SHROOM2: variants seen among roughly 807,000 people sequenced by gnomAD.
SHROOM2 encodes the protein protein Shroom2.
In SHROOM2, 33 loss-of-function variants were observed where a neutral mutation model predicts 75.9. The observed-to-expected ratio is 0.43, with a 90% CI of 0.33 to 0.58. The LOEUF (loss-of-function observed/expected upper bound fraction) is 0.58, where lower values mean the gene tolerates loss of function less well. Ranked by LOEUF, SHROOM2 falls within the 20% of genes least tolerant of loss-of-function variation. SHROOM2 has a pLI of 0.04. For missense variants in SHROOM2, 1,434 were observed against 1,461.2 expected (o/e 0.98, Z 0.30); for synonymous variants, 655 against 663.6 (o/e 0.99, Z 0.20).
chrX:9,801,162 T>C (rs1286051842), intron 1 of SHROOM2, among the ~76,000 whole-genome samples: 5 of 111,515 alleles, frequency 4.5e-5, no homozygotes, highest in Non-Finnish European at 1.9e-5. Context: ...ATGAGAGCCA[T>C]GTGAAAAGGA....
At chrX:9,835,668 G>C (rs975726902) in intron 1 of SHROOM2, among the ~76,000 whole-genome samples, 3 of 111,783 alleles carry the variant, frequency 2.7e-5, no homozygotes, top group East Asian at 2.8e-4. Context: ...CTGCCCTAGG[G>C]GGGTACTGGG....
At chrX:9,887,789 G>T (rs776922569) in intron 2 of SHROOM2, among the ~76,000 whole-genome samples, 1 of 113,025 alleles carries the variant, frequency 8.8e-6, no homozygotes, top group Non-Finnish European at 1.9e-5. Context: ...TGCTAGGGTT[G>T]CAGGCAGCAG....
intron 1 of SHROOM2, among the ~76,000 whole-genome samples, chrX:9,862,038 C>T (rs989296424): frequency 2.7e-5 from 3 of 111,876 alleles, no homozygotes; most frequent in Non-Finnish European, 5.6e-5. Flanking sequence ...ACCATGCCCC[C>T]GTGCTTACGG....
chrX:9,909,931 C>G, intron 5 of SHROOM2, among the ~76,000 whole-genome samples: 1 of 111,744 alleles, frequency 8.9e-6, no homozygotes, highest in Middle Eastern at 4.6e-3. Flanking sequence ...AAATGGCTGT[C>G]TCTCTGCTGC....
intron 1 of SHROOM2, among the ~76,000 whole-genome samples, chrX:9,809,733 A>G (rs1157685456): frequency 1.8e-5 from 2 of 112,660 alleles, no homozygotes; most frequent in Non-Finnish European, 3.7e-5. Flanking sequence ...CAGTGGCACG[A>G]TCTCAGCTCA....
chrX:9,808,603 T>C (rs924372717), intron 1 of SHROOM2, among the ~76,000 whole-genome samples: 1 of 110,386 alleles, frequency 9.1e-6, no homozygotes, highest in Non-Finnish European at 1.9e-5. Context: ...GGTTCACGCC[T>C]GTAATCCCAG....
intron 5 of SHROOM2, among the ~76,000 whole-genome samples, chrX:9,916,933 C>T (rs1301638309): frequency 8.9e-6 from 1 of 111,732 alleles, no homozygotes; most frequent in Non-Finnish European, 1.9e-5. Flanking sequence ...CACCTGGAGC[C>T]TCTGTGTGGC....
At chrX:9,889,955 A>T (rs893202748) in intron 2 of SHROOM2, among the ~76,000 whole-genome samples, 3 of 112,708 alleles carry the variant, frequency 2.7e-5, no homozygotes, top group African/African-American at 9.7e-5. Flanking sequence ...GGGCAGGGAG[A>T]GGGCAACATT....
intron 8 of SHROOM2, 80 bp downstream of exon 8, chrX:9,939,446 C>A: frequency 1.2e-6 from 1 of 848,349 alleles, no homozygotes; most frequent in Non-Finnish European, 1.6e-6. Context: ...CCTGCCCCAG[C>A]GCAGACCCTG....
chrX:9,884,693 A>C (rs2084251444), intron 2 of SHROOM2, among the ~76,000 whole-genome samples: 1 of 108,350 alleles, frequency 9.2e-6, no homozygotes, highest in Non-Finnish European at 1.9e-5. Flanking sequence ...AAAAAAAAAA[A>C]AAACCCAAAC....
At chrX:9,930,827 C>T (rs2084641985) in intron 5 of SHROOM2, among the ~76,000 whole-genome samples, 1 of 110,628 alleles carries the variant, frequency 9.0e-6, no homozygotes, top group Non-Finnish European at 1.9e-5. Context: ...ACTGCAACCT[C>T]CACCTCCCAG....
In SHROOM2 at chrX:9,863,196, G is replaced by A. The variant is rs1237895262; in HGVS notation, c.166-10456G>A. 1.2e-4 allele frequency among the ~76,000 whole-genome samples: 13 copies of A among 111,438 alleles called. No individual in the cohort carries two copies. The Admixed American group carries it at 1.2e-3, about 11-fold the overall frequency. On this transcript the variant is annotated intron_variant, in intron 1 of 9. Coordinates refer to ENST00000380913, the MANE Select transcript of SHROOM2 (RefSeq NM_001649.4). ...ATTCCACCCCTGCCCGTTTCTCCCA[G>A]TCACTCCTGGGACAGTCAGCTTGCC...
At chrX:9,798,919 A>G (rs2083708225) in intron 1 of SHROOM2, among the ~76,000 whole-genome samples, 2 of 111,394 alleles carry the variant, frequency 1.8e-5, no homozygotes, top group Non-Finnish European at 3.8e-5. Flanking sequence ...CTTCAATCAT[A>G]TTTATTTTGT....
rs371839333 is a variant in SHROOM2 at position 9,921,265 on chromosome X, A to G, written c.2892-10910A>G. On this transcript the variant is annotated intron_variant, in intron 5 of 9. Coordinates refer to ENST00000380913, the MANE Select transcript of SHROOM2 (RefSeq NM_001649.4). Reference sequence around the variant, plus strand: ...TGTGATCTGGTCTCAGAAGTCACACATCGGCACTTCTGCCATACATTTTTA... The same window carrying G: ...TGTGATCTGGTCTCAGAAGTCACACGTCGGCACTTCTGCCATACATTTTTA... 2.2e-4 allele frequency among the ~76,000 whole-genome samples: 25 copies of G among 112,358 alleles called. No homozygotes were observed. The East Asian group carries it at 6.7e-3, about 30-fold the overall frequency.
chrX:9,904,521 C>T (rs1330742044), intron 5 of SHROOM2, among the ~76,000 whole-genome samples: 1 of 111,738 alleles, frequency 8.9e-6, no homozygotes, highest in Non-Finnish European at 1.9e-5. Context: ...CCAGCAGCCC[C>T]ATCCCTGGAG....
chrX:9,858,135 A>G (rs778596470), intron 1 of SHROOM2, among the ~76,000 whole-genome samples: 93 of 112,080 alleles, frequency 8.3e-4, no homozygotes, highest in Admixed American at 4.1e-3. Flanking sequence ...GGGTGAGATC[A>G]TCCATATGTT....
intron 1 of SHROOM2, among the ~76,000 whole-genome samples, chrX:9,823,715 T>C (rs1362155177): frequency 9.1e-6 from 1 of 109,597 alleles, no homozygotes; most frequent in Non-Finnish European, 1.9e-5. Flanking sequence ...ATGCTCCAGA[T>C]TTACATGGAG....
rs768961119 is a variant in SHROOM2, at chrX:9,937,292, C to T, written c.3746C>T (p.Thr1249Met). 1.4e-5 allele frequency: 17 copies of T among 1,208,753 alleles called. 1 individual carries two copies. The highest frequency in any genetic ancestry group is 2.2e-5 in the Admixed American group (1 of 45,713). ...GGGCTGGAGAAAGACCAGATCAAGA[C>T]GCTGAGCACATCTGAGCAGTTCTAC... is the stretch of plus-strand genomic sequence containing the variant. ...PHGLEKDQIK[T>M]LSTSEQFYSR... Residue 1249 changes from threonine to methionine, a missense_variant, in exon 7 of 10, where the codon ACG (threonine) becomes ATG (methionine). By Grantham distance (81) the Thr-to-Met change is moderately conservative. This residue lies in a region of SHROOM2 where 1,340 missense variants were observed against 1,338.3 expected (regional missense o/e 1.00). Transcript: ENST00000380913.
intron 1 of SHROOM2, chrX:9,865,516 G>A (rs1356840217): frequency 1.0e-5 from 1 of 97,493 alleles, no homozygotes; most frequent in African/African-American, 3.9e-5. Context: ...TTTCTCTTTT[G>A]TGCTTTTTTT....
Sources: allele counts gnomAD v4.1 joint callset (sites outside exome capture counted in the v4.1 genomes callset), GRCh38; gene constraint gnomAD v4.1.1; regional missense constraint gnomAD v4.1.1; transcripts MANE v1.5; gene names NCBI Gene and HGNC (gene_info 2026-07-23, HGNC 2026-07-21).